FTO: variants seen among roughly 807,000 people sequenced by gnomAD.
FTO encodes alpha-ketoglutarate-dependent dioxygenase FTO.
Under a neutral mutation model 63.9 loss-of-function variants are expected in FTO, and 47 were observed. That is an observed-to-expected ratio of 0.74 (90% CI 0.58 to 0.94). FTO has a LOEUF of 0.94. Among genes scored for constraint, FTO ranks in the 40% least tolerant of loss-of-function variants. FTO has a pLI of 0.00. For synonymous variants in FTO, 207 were observed against 224.4 expected (o/e 0.92, Z 0.69); for missense variants, 562 against 618.1 (o/e 0.91, Z 0.96).
chr16:53,749,239 A>G (rs1343739050), intron 1 of FTO, among the ~76,000 whole-genome samples: 4 of 152,140 alleles, frequency 2.6e-5, no homozygotes, highest in Admixed American at 6.5e-5. Context: ...TTTAATATGT[A>G]GTGTAAGAGC....
intron 1 of FTO, among the ~76,000 whole-genome samples, chr16:53,807,849 A>G (rs2078412480): frequency 6.6e-6 from 1 of 152,182 alleles, no homozygotes; most frequent in Non-Finnish European, 1.5e-5. Context: ...GAGTGGAGAA[A>G]TGTACAAGTA....
chr16:54,052,046 T>G, intron 8 of FTO, among the ~76,000 whole-genome samples: 1 of 152,210 alleles, frequency 6.6e-6, no homozygotes, highest in Non-Finnish European at 1.5e-5. Flanking sequence ...TCTGAGATCG[T>G]ATTATTCTCA....
At chr16:54,107,478 A>G (rs1342460485) in intron 8 of FTO, among the ~76,000 whole-genome samples, 2 of 152,122 alleles carry the variant, frequency 1.3e-5, no homozygotes, top group Non-Finnish European at 2.9e-5. Context: ...CTGGGCAGAA[A>G]TTTGTCCCAA....
chr16:53,916,588 A>T (rs995669721), intron 7 of FTO, among the ~76,000 whole-genome samples: 1 of 152,220 alleles, frequency 6.6e-6, no homozygotes, highest in African/African-American at 2.4e-5. Context: ...AGAAGCTACG[A>T]TTCTGCTGCC....
At chr16:53,847,232 G>A (rs1274919622) in intron 4 of FTO, among the ~76,000 whole-genome samples, 2 of 152,044 alleles carry the variant, frequency 1.3e-5, no homozygotes, top group Non-Finnish European at 2.9e-5. Context: ...TATCCCACTC[G>A]GGGTCTGACA....
At chr16:54,071,105 A>G (rs1238060694) in intron 8 of FTO, 1 of 152,246 alleles carries the variant, frequency 6.6e-6, no homozygotes, top group African/African-American at 2.4e-5. Flanking sequence ...AGTACAGGCC[A>G]ATTTATTTTA....
intron 8 of FTO, among the ~76,000 whole-genome samples, chr16:54,106,868 A>T (rs1420640972): frequency 1.4e-5 from 2 of 138,752 alleles, no homozygotes; most frequent in Admixed American, 1.5e-4. Context: ...TATATATAAT[A>T]ATATAATAAA....
chr16:53,877,425 G>A (rs2080688836), intron 5 of FTO, among the ~76,000 whole-genome samples: 1 of 152,126 alleles, frequency 6.6e-6, no homozygotes, highest in African/African-American at 2.4e-5. Context: ...ATACGAAATG[G>A]AAGCAACCAG....
chr16:53,794,997 A>T (rs1253601515), intron 1 of FTO, among the ~76,000 whole-genome samples: 1 of 152,208 alleles, frequency 6.6e-6, no homozygotes, highest in Admixed American at 6.5e-5. Flanking sequence ...CAGAAAAGTC[A>T]GTCAAAAATT....
At chr16:53,989,514 T>C (rs1219653182) in intron 8 of FTO, among the ~76,000 whole-genome samples, 1 of 152,096 alleles carries the variant, frequency 6.6e-6, no homozygotes, top group Non-Finnish European at 1.5e-5. Flanking sequence ...TCATTGTAGT[T>C]GGGGAGGTAG....
intron 7 of FTO, among the ~76,000 whole-genome samples, chr16:53,910,507 G>A (rs535379153): frequency 6.6e-6 from 1 of 152,150 alleles, no homozygotes; most frequent in East Asian, 1.9e-4. Flanking sequence ...ATAATTGGAG[G>A]GAATTAAAAG....
At chr16:53,754,385 C>T (rs867061894) in intron 1 of FTO, among the ~76,000 whole-genome samples, 1 of 152,212 alleles carries the variant, frequency 6.6e-6, no homozygotes, top group Non-Finnish European at 1.5e-5. Context: ...CGCCTGTAAT[C>T]CCAGCACTTT....
At chr16:54,000,505 T>A (rs976330305) in intron 8 of FTO, among the ~76,000 whole-genome samples, 1 of 152,172 alleles carries the variant, frequency 6.6e-6, no homozygotes, top group Non-Finnish European at 1.5e-5. Context: ...TTCTGTGGAA[T>A]CATACTAACA....
At chr16:53,816,869 C>T (rs1358395242) in intron 2 of FTO, among the ~76,000 whole-genome samples, 3 of 152,220 alleles carry the variant, frequency 2.0e-5, no homozygotes, top group African/African-American at 4.8e-5. Flanking sequence ...AGAAAATAGA[C>T]GTTTCGCTCT....
intron 8 of FTO, among the ~76,000 whole-genome samples, chr16:54,008,740 A>G (rs2084267378): frequency 6.6e-6 from 1 of 151,370 alleles, no homozygotes; most frequent in Non-Finnish European, 1.5e-5. Context: ...TCCAAAGCTC[A>G]GACTTTATTT....
At chr16:53,784,124 T>G (rs1022724130) in intron 1 of FTO, among the ~76,000 whole-genome samples, 12 of 152,220 alleles carry the variant, frequency 7.9e-5, no homozygotes, top group African/African-American at 2.9e-4. Context: ...GGGTTTCGTC[T>G]TAAAACCTGG....
chr16:54,028,288 T>C (rs2084758281), intron 8 of FTO, among the ~76,000 whole-genome samples: 1 of 152,180 alleles, frequency 6.6e-6, no homozygotes, highest in East Asian at 1.9e-4. Context: ...ATTATAGCAG[T>C]GGACCCAGGC....
chr16:53,889,637 T>G (rs1195999878), intron 7 of FTO, among the ~76,000 whole-genome samples: 2 of 152,104 alleles, frequency 1.3e-5, no homozygotes, highest in East Asian at 3.9e-4. Context: ...ATGTGGTTTT[T>G]GGGGCCCTTG....
At chr16:53,779,846 A>G (rs1036551351) in intron 1 of FTO, among the ~76,000 whole-genome samples, 9 of 152,136 alleles carry the variant, frequency 5.9e-5, no homozygotes, top group African/African-American at 2.2e-4. Flanking sequence ...AGACACCCTC[A>G]TCTAATCTTC....
Sources: allele counts gnomAD v4.1 joint callset (sites outside exome capture counted in the v4.1 genomes callset), GRCh38; gene constraint gnomAD v4.1.1; transcripts MANE v1.5; gene names NCBI Gene and HGNC (gene_info 2026-07-23, HGNC 2026-07-21).